Variants in CNTNAP2 observed in about 807,000 individuals in gnomAD.
CNTNAP2 encodes contactin-associated protein-like 2.
In CNTNAP2, 98 loss-of-function variants were observed where a neutral mutation model predicts 155.2. That is an observed-to-expected ratio of 0.63 (90% CI 0.54 to 0.75). The LOEUF (loss-of-function observed/expected upper bound fraction) is 0.75. Among genes scored for constraint, CNTNAP2 ranks in the 30% least tolerant of loss-of-function variants. CNTNAP2 has a pLI of 0.00. For synonymous variants in CNTNAP2, 651 were observed against 631.2 expected (o/e 1.03, Z -0.47); for missense variants, 1,727 against 1,688.1 (o/e 1.02, Z -0.40).
At chr7:147,213,961 C>T (rs1803210950) in intron 8 of CNTNAP2, among the ~76,000 whole-genome samples, 1 of 152,080 alleles carries the variant, frequency 6.6e-6, no homozygotes, top group African/African-American at 2.4e-5. Flanking sequence ...TTATCCTCGT[C>T]CTCAGATGAT....
At position 146,347,154 on chromosome 7, in the gene CNTNAP2, A is replaced by C. The variant is rs868600222; in HGVS notation, c.97+230181A>C. Among the ~76,000 whole-genome samples the C allele has an allele frequency of 1.5e-3, 223 of 151,710 alleles. 1 individual carries two copies. The highest frequency in any genetic ancestry group is 4.9e-3 in the African/African-American group (205 of 41,434). ...CATACTCTGTAAAAAAAAAAAAAAA[A>C]AAAAAAACCCTGCCTGTGCCATTTG... On this transcript the variant is annotated intron_variant, in intron 1 of 23. Transcript: ENST00000361727.
intron 21 of CNTNAP2, among the ~76,000 whole-genome samples, chr7:148,382,008 T>C (rs1018098475): frequency 6.6e-6 from 1 of 152,234 alleles, no homozygotes; most frequent in African/African-American, 2.4e-5. Flanking sequence ...GTGACCCTGC[T>C]GCCTTACAGG....
At chr7:147,284,274 T>C (rs1019401376) in intron 8 of CNTNAP2, among the ~76,000 whole-genome samples, 2 of 151,892 alleles carry the variant, frequency 1.3e-5, no homozygotes, top group Admixed American at 6.6e-5. Context: ...AGGAATCTTG[T>C]AATTCAGCTG....
intron 1 of CNTNAP2, among the ~76,000 whole-genome samples, chr7:146,440,361 C>T (rs1245144907): frequency 1.3e-5 from 2 of 151,408 alleles, no homozygotes; most frequent in African/African-American, 4.9e-5. Context: ...GAGATTTATC[C>T]ATTAATTTTT....
rs1799928821 is a variant in CNTNAP2, at chr7:147,555,183, T to C, written c.1778-6955T>C. Among the ~76,000 whole-genome samples, 3 of 152,182 alleles carry C rather than the reference T, an allele frequency of 2.0e-5. No individual in the cohort carries two copies. In the South Asian group the frequency reaches 6.2e-4, roughly 31 times the overall value. On this transcript the variant is annotated intron_variant, in intron 11 of 23. Transcript: ENST00000361727. ...CTCTTTCCAATATAGAAACTTATTT[T>C]TGAAAGCAAGATTAGGATCAGAAGG...
At chr7:148,127,664 G>A (rs1804743966) in intron 16 of CNTNAP2, among the ~76,000 whole-genome samples, 1 of 152,174 alleles carries the variant, frequency 6.6e-6, no homozygotes, top group South Asian at 2.1e-4. Context: ...GTCAGAAGAA[G>A]TAAACTAATG....
chr7:147,956,919 G>A (rs1281475223), intron 14 of CNTNAP2, among the ~76,000 whole-genome samples: 1 of 152,172 alleles, frequency 6.6e-6, no homozygotes, highest in African/African-American at 2.4e-5. Context: ...TGTCCTGCAG[G>A]TCTGAGGACC....
chr7:146,455,693 A>C (rs1796545177), intron 1 of CNTNAP2, among the ~76,000 whole-genome samples: 1 of 152,234 alleles, frequency 6.6e-6, no homozygotes, highest in African/African-American at 2.4e-5. Context: ...ACAGTGGAAA[A>C]ATAATTTAAT....
chr7:148,386,637 C>T (rs539893551), intron 22 of CNTNAP2, among the ~76,000 whole-genome samples: 2 of 152,210 alleles, frequency 1.3e-5, no homozygotes, highest in East Asian at 3.9e-4. Flanking sequence ...CTGGAAGGGG[C>T]AGAGGACAGA....
intron 13 of CNTNAP2, chr7:147,894,164 G>A (rs890738527): frequency 1.3e-5 from 2 of 152,160 alleles, no homozygotes; most frequent in Non-Finnish European, 2.9e-5. Flanking sequence ...TCTCACAGGT[G>A]CAAGAATGTT....
In CNTNAP2 at chr7:147,319,704, T is replaced by C. The variant is rs1795310220; in HGVS notation, c.1498+19414T>C. Among the ~76,000 whole-genome samples the C allele has an allele frequency of 2.6e-5, 4 of 152,132 alleles. 1 individual carries two copies. Among genetic ancestry groups the C allele is most frequent in the Admixed American group, 2.6e-4 (4 of 15,268 alleles). On this transcript the variant is annotated intron_variant, in intron 9 of 23. Coordinates refer to ENST00000361727, the MANE Select transcript of CNTNAP2 (RefSeq NM_014141.6). Reference sequence around the variant, plus strand: ...TGAGTAATGTTAAATATAGGATTTCTATATTGAAAATATTATAGATATAAT... The same window carrying C: ...TGAGTAATGTTAAATATAGGATTTCCATATTGAAAATATTATAGATATAAT...
At chr7:147,392,753 C>T (rs1383135323) in intron 9 of CNTNAP2, among the ~76,000 whole-genome samples, 1 of 151,952 alleles carries the variant, frequency 6.6e-6, no homozygotes, top group Non-Finnish European at 1.5e-5. Context: ...ATATTCATGG[C>T]AGCACAATTC....
At chr7:148,187,502 C>T (rs183535324) in intron 18 of CNTNAP2, among the ~76,000 whole-genome samples, 10 of 152,162 alleles carry the variant, frequency 6.6e-5, no homozygotes, top group Non-Finnish European at 1.3e-4. Context: ...CTGGAGACTG[C>T]GCTACGTAAA....
At chr7:146,342,268 A>G (rs1474179027) in intron 1 of CNTNAP2, among the ~76,000 whole-genome samples, 1 of 152,130 alleles carries the variant, frequency 6.6e-6, no homozygotes, top group African/African-American at 2.4e-5. Flanking sequence ...GACCTGGTGA[A>G]TCTAATATGT....
At chr7:146,943,173 T>C (rs540022997) in intron 3 of CNTNAP2, among the ~76,000 whole-genome samples, 1 of 152,328 alleles carries the variant, frequency 6.6e-6, no homozygotes, top group East Asian at 1.9e-4. Flanking sequence ...GTGTATTTTA[T>C]GTTTATGTAT....
intron 12 of CNTNAP2, among the ~76,000 whole-genome samples, chr7:147,575,336 T>C (rs201131939): frequency 8.5e-6 from 1 of 117,414 alleles, no homozygotes; most frequent in Non-Finnish European, 1.8e-5. Flanking sequence ...TGTGTGTGTG[T>C]GTGAGAGACT....
intron 1 of CNTNAP2, among the ~76,000 whole-genome samples, chr7:146,125,191 C>T (rs943475470): frequency 3.9e-5 from 6 of 152,130 alleles, no homozygotes; most frequent in South Asian, 2.1e-4. Flanking sequence ...TATATCTTAA[C>T]GTAAGCATTT....
At chr7:146,242,310 C>T (rs1488009555) in intron 1 of CNTNAP2, among the ~76,000 whole-genome samples, 2 of 152,040 alleles carry the variant, frequency 1.3e-5, no homozygotes, top group African/African-American at 2.4e-5. Flanking sequence ...GAGGCTGAGG[C>T]GGGCTGATCA....
intron 15 of CNTNAP2, among the ~76,000 whole-genome samples, chr7:148,007,973 G>A (rs1217883107): frequency 6.6e-6 from 1 of 152,046 alleles, no homozygotes; most frequent in African/African-American, 2.4e-5. Context: ...ATGGCAAAGG[G>A]GATTTAGCAC....
Sources: gnomAD v4.1 joint callset for allele counts (sites outside exome capture counted in the v4.1 genomes callset) on GRCh38, gnomAD v4.1.1 for gene constraint, MANE v1.5 for transcripts, NCBI Gene and HGNC (gene_info 2026-07-23, HGNC 2026-07-21) for gene names.